The following GPM6A variants were observed in gnomAD, a reference collection of about 807,000 sequenced individuals.
GPM6A encodes the protein neuronal membrane glycoprotein M6-a.
A neutral mutation model predicts 32.1 loss-of-function variants in GPM6A; 7 were observed. The observed-to-expected ratio is 0.22, with a 90% CI of 0.12 to 0.41. GPM6A has a LOEUF of 0.41. Among genes scored for constraint, GPM6A ranks in the 10% least tolerant of loss-of-function variants. The pLI is 1.00. For synonymous variants in GPM6A, 130 were observed against 123.4 expected (o/e 1.05, Z -0.35); for missense variants, 235 against 347.2 (o/e 0.68, Z 2.57).
At chr4:175,700,552 T>C (rs1053063213) in intron 2 of GPM6A, among the ~76,000 whole-genome samples, 2 of 152,128 alleles carry the variant, frequency 1.3e-5, no homozygotes. Flanking sequence ...ACACTAACCA[T>C]CCAGATACTC....
At chr4:175,877,331 G>C (rs923580464) in intron 1 of GPM6A, among the ~76,000 whole-genome samples, 26 of 152,276 alleles carry the variant, frequency 1.7e-4, no homozygotes, top group African/African-American at 6.3e-4. Flanking sequence ...CAGCAAGTCT[G>C]TTACAGTGTT....
In GPM6A at chr4:175,673,794, C is replaced by G; in HGVS notation, c.273G>C (p.Ala91=). 1 of 1,611,208 alleles carries G rather than the reference C, an allele frequency of 6.2e-7. No individual in the cohort carries two copies. Among genetic ancestry groups the G allele is most frequent in the Non-Finnish European group, 8.5e-7 (1 of 1,177,828 alleles). ...FKYVIYGIAA[A]FFVYGILLMV... ...TCAGCAAAATGCCATACACAAAGAA[C>G]GCAGCTGCGATGCCGTAGATCACAT... Residue 91 remains alanine, a synonymous_variant, in exon 3 of 7, where the codon GCG becomes GCC. Transcript: ENST00000393658.
intron 1 of GPM6A, among the ~76,000 whole-genome samples, chr4:175,779,857 C>T (rs1227483956): frequency 6.6e-6 from 1 of 151,856 alleles, no homozygotes; most frequent in African/African-American, 2.4e-5. Flanking sequence ...AGAATAATAA[C>T]TATAAGTTCA....
chr4:175,799,035 G>A (rs1022669350), intron 1 of GPM6A, among the ~76,000 whole-genome samples: 2 of 152,128 alleles, frequency 1.3e-5, no homozygotes, highest in South Asian at 2.1e-4. Flanking sequence ...GATACGTAGT[G>A]CTTAAAATAT....
chr4:175,856,457 G>A (rs1471234608), intron 1 of GPM6A, among the ~76,000 whole-genome samples: 1 of 152,156 alleles, frequency 6.6e-6, no homozygotes, highest in East Asian at 1.9e-4. Flanking sequence ...CAGCATCTAG[G>A]GGTTGCCCAC....
intron 1 of GPM6A, among the ~76,000 whole-genome samples, chr4:175,718,524 G>T (rs1745955606): frequency 6.6e-6 from 1 of 152,136 alleles, no homozygotes; most frequent in Admixed American, 6.5e-5. Context: ...GCTGAGGTAG[G>T]AGAATCGCTT....
chr4:175,955,763 T>C (rs889374737), intron 1 of GPM6A, among the ~76,000 whole-genome samples: 16 of 152,232 alleles, frequency 1.1e-4, no homozygotes, highest in Admixed American at 3.9e-4. Context: ...CTTGCTTCAA[T>C]CACTGTAATG....
intron 1 of GPM6A, among the ~76,000 whole-genome samples, chr4:175,758,288 T>A (rs10009240): frequency 0.058 from 8,862 of 152,250 alleles, 867 homozygotes; most frequent in African/African-American, 0.2. Flanking sequence ...ATTTCTTTTT[T>A]AAAAATTGGA....
At chr4:175,757,581 G>C (rs866344570) in intron 1 of GPM6A, among the ~76,000 whole-genome samples, 2 of 152,198 alleles carry the variant, frequency 1.3e-5, no homozygotes, top group Middle Eastern at 6.8e-3. Flanking sequence ...GCAAAGACTA[G>C]GTTCAAAATG....
chr4:175,973,199 G>A (rs1740560399), intron 1 of GPM6A, among the ~76,000 whole-genome samples: 1 of 152,146 alleles, frequency 6.6e-6, no homozygotes, highest in Admixed American at 6.5e-5. Context: ...GAGCCTTGGG[G>A]CATTCAGTGT....
At chr4:175,675,595 TC>T (rs1365414438) in intron 2 of GPM6A, among the ~76,000 whole-genome samples, 1 of 152,154 alleles carries the variant, frequency 6.6e-6, no homozygotes, top group Non-Finnish European at 1.5e-5. Flanking sequence ...ACTTCTAATT[TC>T]CTTCATAATT....
intron 1 of GPM6A, among the ~76,000 whole-genome samples, chr4:175,842,162 T>A (rs1291991724): frequency 6.6e-6 from 1 of 152,194 alleles, no homozygotes; most frequent in Non-Finnish European, 1.5e-5. Flanking sequence ...AACAGCAATT[T>A]TTTTGTACAG....
chr4:175,799,624 C>A (rs1015401659), intron 1 of GPM6A, among the ~76,000 whole-genome samples: 1 of 150,880 alleles, frequency 6.6e-6, no homozygotes, highest in African/African-American at 2.4e-5. Context: ...GTATAACAGA[C>A]AACTCCAAAT....
intron 1 of GPM6A, among the ~76,000 whole-genome samples, chr4:175,955,808 T>C (rs1371192037): frequency 6.6e-6 from 1 of 152,078 alleles, no homozygotes; most frequent in Admixed American, 6.5e-5. Flanking sequence ...CTAGATCCAG[T>C]GTTGTATGAA....
chr4:175,661,643 G>T (rs927423933), intron 3 of GPM6A, among the ~76,000 whole-genome samples: 1 of 152,110 alleles, frequency 6.6e-6, no homozygotes, highest in African/African-American at 2.4e-5. Flanking sequence ...AGAAAGTTGC[G>T]CAAGACCAGA....
At chr4:175,920,257 G>A (rs2111524249) in intron 1 of GPM6A, among the ~76,000 whole-genome samples, 1 of 152,298 alleles carries the variant, frequency 6.6e-6, no homozygotes, top group South Asian at 2.1e-4. Flanking sequence ...AGGACATAAT[G>A]TTTAATTGAT....
At chr4:175,960,335 G>A (rs1579665913) in intron 1 of GPM6A, among the ~76,000 whole-genome samples, 1 of 152,180 alleles carries the variant, frequency 6.6e-6, no homozygotes, top group Admixed American at 6.5e-5. Context: ...AGATCCTTCA[G>A]AGTTTCAAGC....
At chr4:175,713,955 T>C (rs1745695165) in intron 1 of GPM6A, among the ~76,000 whole-genome samples, 1 of 152,208 alleles carries the variant, frequency 6.6e-6, no homozygotes, top group African/African-American at 2.4e-5. Context: ...AGATTTTTTT[T>C]TGTCTTTTAG....
chr4:175,861,476 G>A (rs1736571014), intron 1 of GPM6A, among the ~76,000 whole-genome samples: 1 of 150,728 alleles, frequency 6.6e-6, no homozygotes, highest in African/African-American at 2.4e-5. Context: ...TACTGGCCAG[G>A]CACAGTGGTT....
Sources: allele counts gnomAD v4.1 joint callset (sites outside exome capture counted in the v4.1 genomes callset), GRCh38; gene constraint gnomAD v4.1.1; transcripts MANE v1.5; gene names NCBI Gene and HGNC (gene_info 2026-07-23, HGNC 2026-07-21).